Variants in CACNB2 observed in about 807,000 individuals in gnomAD.
The protein encoded by CACNB2 is calcium voltage-gated channel auxiliary subunit beta 2.
In CACNB2, 42 loss-of-function variants were observed where a neutral mutation model predicts 73.3. The observed-to-expected ratio is 0.57, with a 90% confidence interval of 0.45 to 0.74. CACNB2 has a LOEUF of 0.74. Among genes scored for constraint, CACNB2 ranks in the 30% least tolerant of loss-of-function variants. The probability of loss-of-function intolerance (pLI) is 0.00; values close to 1 mark genes in which losing one functional copy is unlikely to be tolerated. For synonymous variants in CACNB2, 348 were observed against 310.3 expected (o/e 1.12, Z -1.28); for missense variants, 940 against 853.0 (o/e 1.10, Z -1.27).
intron 2 of CACNB2, among the ~76,000 whole-genome samples, chr10:18,325,487 C>G (rs886371674): frequency 3.3e-5 from 5 of 152,084 alleles, no homozygotes; most frequent in African/African-American, 1.2e-4. Context: ...TGAGCCACCA[C>G]ACCCAGATGA....
intron 3 of CACNB2, among the ~76,000 whole-genome samples, chr10:18,448,479 T>TA (rs56255761): frequency 0.27 from 28,513 of 106,616 alleles, 3,943 homozygotes; most frequent in Middle Eastern, 0.34. Flanking sequence ...CTCTCTCATT[T>TA]AAAAAAAAAA....
rs572101868 is a variant in CACNB2, at chr10:18,390,434, G to A, written c.214-11490G>A. On this transcript the variant is annotated intron_variant, in intron 2 of 13. Coordinates refer to ENST00000324631, the MANE Select transcript of CACNB2 (RefSeq NM_201596.3). ...TCACCATATTGGCCAGGCTGGTCTC[G>A]AACACCTGACCTTGTGATCTGCCCA... Among the ~76,000 whole-genome samples, 6 of 152,256 alleles carry A rather than the reference G, an allele frequency of 3.9e-5. No individual in the cohort carries two copies. The South Asian group carries it at 6.2e-4, about 16-fold the overall frequency.
At chr10:18,319,237 T>C (rs369134571) in intron 2 of CACNB2, among the ~76,000 whole-genome samples, 6 of 152,158 alleles carry the variant, frequency 3.9e-5, no homozygotes, top group African/African-American at 1.4e-4. Flanking sequence ...GAAAATGTGG[T>C]ATATATACAC....
At chr10:18,499,183 A>G (rs1698214720) in intron 4 of CACNB2, among the ~76,000 whole-genome samples, 1 of 152,170 alleles carries the variant, frequency 6.6e-6, no homozygotes, top group South Asian at 2.1e-4. Context: ...TGTGATCCTG[A>G]GGTTTTTCTT....
chr10:18,475,103 C>G (rs2048374322), intron 3 of CACNB2, among the ~76,000 whole-genome samples: 1 of 150,698 alleles, frequency 6.6e-6, no homozygotes. Flanking sequence ...TCAGGAACAG[C>G]CAGAGGAGAG....
chr10:18,161,655 C>A (rs1466828239), intron 2 of CACNB2, among the ~76,000 whole-genome samples: 2 of 151,778 alleles, frequency 1.3e-5, no homozygotes, highest in South Asian at 4.2e-4. Flanking sequence ...AACAACTGCC[C>A]CTTCCCACCA....
intron 2 of CACNB2, among the ~76,000 whole-genome samples, chr10:18,210,268 A>T (rs1273926069): frequency 6.6e-6 from 1 of 152,214 alleles, no homozygotes; most frequent in Non-Finnish European, 1.5e-5. Context: ...GGAAGAGAAA[A>T]CGCAGCTCCA....
intron 3 of CACNB2, among the ~76,000 whole-genome samples, chr10:18,405,483 G>T (rs2044239644): frequency 6.6e-6 from 1 of 152,132 alleles, no homozygotes; most frequent in African/African-American, 2.4e-5. Context: ...GTGGGCGTAT[G>T]TTTTCATTTC....
rs555942662 is a variant in CACNB2 at position 18,442,598 on chromosome 10, G to C, written c.333+40555G>C. 4.4e-4 allele frequency among the ~76,000 whole-genome samples: 66 copies of C among 151,680 alleles called. 1 individual carries two copies. The Middle Eastern group carries it at 0.01, about 24-fold the overall frequency. On this transcript the variant is annotated intron_variant, in intron 3 of 13. Transcript: ENST00000324631. ...TCCCAGCACTTTGGGAGGCCAAGGAGGGCAGATCACGAGGTCAAGATATCA... is the reference window on the plus strand; with the variant it reads ...TCCCAGCACTTTGGGAGGCCAAGGACGGCAGATCACGAGGTCAAGATATCA...
rs1554831784 is a variant in CACNB2 at position 18,499,637 on chromosome 10, A to AAAAAG, written c.456+1162_456+1163insAAGAA. Among the ~76,000 whole-genome samples, 54 of 92,536 alleles carry AAAAAG rather than the reference A, an allele frequency of 5.8e-4. 4 individuals carry two copies. Among genetic ancestry groups the AAAAAG allele is most frequent in the African/African-American group, 1.1e-3 (28 of 24,554 alleles). 60.7% of individuals were successfully genotyped at this position (92,536 alleles called of 152,430 possible). A position where few individuals can be genotyped will look rare whatever the true frequency, so the allele number is the denominator to read the frequency against. On this transcript the variant is annotated intron_variant, in intron 4 of 13. Transcript: ENST00000324631. ...TCAAAGAAAAAAAAAAAAAAAAAAAAAAGAACCTAGAAGCCTGGGTACTAT... is the reference window on the plus strand; with the variant it reads ...TCAAAGAAAAAAAAAAAAAAAAAAAAAAAAGAAGAACCTAGAAGCCTGGGTACTAT...
At chr10:18,195,369 A>G (rs1016140561) in intron 2 of CACNB2, among the ~76,000 whole-genome samples, 2 of 152,148 alleles carry the variant, frequency 1.3e-5, no homozygotes, top group Non-Finnish European at 2.9e-5. Flanking sequence ...ATCAACACAC[A>G]TTGACCCACC....
intron 5 of CACNB2, among the ~76,000 whole-genome samples, chr10:18,504,776 CT>C (rs1554833139): frequency 1.3e-5 from 2 of 152,102 alleles, no homozygotes; most frequent in Non-Finnish European, 2.9e-5. Flanking sequence ...TCCCAAGTAG[CT>C]GGGACTACAG....
intron 9 of CACNB2, among the ~76,000 whole-genome samples, chr10:18,523,429 CCCAGAT>C (rs1167472210): frequency 1.3e-5 from 2 of 152,132 alleles, no homozygotes; most frequent in African/African-American, 4.8e-5. Context: ...GTATCAGCCA[CCCAGAT>C]TGGTTTTATT....
intron 3 of CACNB2, among the ~76,000 whole-genome samples, chr10:18,478,346 A>G (rs2048545273): frequency 6.6e-6 from 1 of 152,140 alleles, no homozygotes; most frequent in Non-Finnish European, 1.5e-5. Context: ...CCATTCTTAT[A>G]TGTTTTGTGA....
chr10:18,407,107 GTCTTTTTTTTTTTTTTT>G (rs1309242836), intron 3 of CACNB2, among the ~76,000 whole-genome samples: 1 of 49,564 alleles, frequency 2.0e-5, no homozygotes, highest in Non-Finnish European at 4.1e-5. Context: ...CTGCTGTTCT[GTCTTTTTTTTTTTTTTT>G]TTTTTTTTTT....
intron 6 of CACNB2, among the ~76,000 whole-genome samples, chr10:18,511,066 A>G (rs765235219): frequency 2.6e-5 from 4 of 152,244 alleles, no homozygotes; most frequent in Non-Finnish European, 4.4e-5. Flanking sequence ...AGGATGGTAT[A>G]AAAGTCAGCA....
At chr10:18,260,008 G>T (rs2037465732) in intron 2 of CACNB2, among the ~76,000 whole-genome samples, 1 of 152,186 alleles carries the variant, frequency 6.6e-6, no homozygotes, top group South Asian at 2.1e-4. Flanking sequence ...TCTGTGACAT[G>T]AAATCATTAA....
chr10:18,534,165 G>C lies in CACNB2; in HGVS notation c.1144G>C (p.Ala382Pro), dbSNP rs1318411856. Residue 382 changes from alanine (A) to proline (P), a missense_variant, in exon 11 of 14, where the codon GCT becomes CCT. Transcript: ENST00000324631. Reference protein sequence around the residue: ...VLDADTINHPAQLSKTSLAPI... With the variant: ...VLDADTINHPPQLSKTSLAPI... ...TGACGCGGATACAATTAATCATCCA[G>C]CTCAACTCAGTAAAACCTCCTTGGC... The C allele has an allele frequency of 8.1e-6, 13 of 1,613,780 alleles. No homozygotes were observed. Among genetic ancestry groups the C allele is most frequent in the Non-Finnish European group, 1.1e-5 (13 of 1,179,730 alleles).
chr10:18,461,114 A>C (rs116880013), intron 3 of CACNB2, among the ~76,000 whole-genome samples: 4,364 of 152,042 alleles, frequency 0.029, 99 homozygotes, highest in East Asian at 0.11. Flanking sequence ...TTTTTAGTAG[A>C]GATGGGGTTT....
Sources: allele counts gnomAD v4.1 joint callset (sites outside exome capture counted in the v4.1 genomes callset), GRCh38; gene constraint gnomAD v4.1.1; transcripts MANE v1.5; gene names NCBI Gene and HGNC (gene_info 2026-07-23, HGNC 2026-07-21).